The following PLA2G4C variants were observed in gnomAD, a reference collection of about 807,000 sequenced individuals.
The protein encoded by PLA2G4C is cytosolic phospholipase A2 gamma.
In PLA2G4C, 64 loss-of-function variants were observed where a neutral mutation model predicts 73.8. The ratio of observed to expected loss-of-function variants is 0.87; its 90% CI spans 0.71 to 1.07. The LOEUF is 1.07. Among genes scored for constraint, PLA2G4C ranks in the 50% least tolerant of loss-of-function variants. PLA2G4C has a pLI of 0.00. For synonymous variants in PLA2G4C, 254 were observed against 252.1 expected (o/e 1.01, Z -0.07); for missense variants, 622 against 665.4 (o/e 0.93, Z 0.72).
In PLA2G4C at chr19:48,080,616, C is replaced by G. The variant is rs142650667; in HGVS notation, c.845-2792G>C. Among the ~76,000 whole-genome samples the G allele has an allele frequency of 2.0e-3, 303 of 151,908 alleles. 1 individual carries two copies. The highest frequency in any genetic ancestry group is 7.0e-3 in the African/African-American group (289 of 41,426). On this transcript the variant is annotated intron_variant, in intron 10 of 16. Coordinates refer to ENST00000599921, the MANE Select transcript of PLA2G4C (RefSeq NM_003706.3). ...TCGAGGTCAGGCGTTCAAGACCAGC[C>G]TGGCCAACATGGTGAAACCCCATCT...
At chr19:48,090,725 C>T (rs1568444955) in intron 7 of PLA2G4C, 5 of 354,152 alleles carry the variant, frequency 1.4e-5, no homozygotes, top group Non-Finnish European at 2.6e-5. Context: ...CATGCCAACC[C>T]TTCTCAGCAC....
chr19:48,055,091 GAAGACCCCTCCA>G, intron 14 of PLA2G4C, 42 bp from the exon 15 acceptor site: 1 of 227,824 alleles, frequency 4.4e-6, no homozygotes, highest in South Asian at 9.3e-5. Flanking sequence ...GACCTCTCCA[GAAGACCCCTCCA>G]GAAGACCCCT....
At chr19:48,062,785 T>C (rs1188954050) in intron 13 of PLA2G4C, among the ~76,000 whole-genome samples, 1 of 152,160 alleles carries the variant, frequency 6.6e-6, no homozygotes, top group Non-Finnish European at 1.5e-5. Context: ...GAGAGTGTTG[T>C]TAACCCAATG....
At chr19:48,091,713 AC>A (rs2122634993) in intron 7 of PLA2G4C, among the ~76,000 whole-genome samples, 1 of 151,340 alleles carries the variant, frequency 6.6e-6, no homozygotes, top group African/African-American at 2.4e-5. Flanking sequence ...ACATGGTGAA[AC>A]CCTATCTCTA....
chr19:48,107,223 G>A (rs2032280584), intron 1 of PLA2G4C, among the ~76,000 whole-genome samples: 1 of 152,162 alleles, frequency 6.6e-6, no homozygotes, highest in South Asian at 2.1e-4. Flanking sequence ...TGAAATCACA[G>A]GTGTGTCCAA....
chr19:48,067,810 G>T lies in PLA2G4C; in HGVS notation c.1083C>A (p.His361Gln), dbSNP rs372576996. 1.9e-6 allele frequency: 3 copies of T among 1,610,138 alleles called. No individual in the cohort carries two copies. The highest frequency in any genetic ancestry group is 2.7e-5 in the African/African-American group (2 of 74,828). Reference protein sequence around the residue: ...CASKWEWGTTHNFLYKHGGIR... With the variant: ...CASKWEWGTTQNFLYKHGGIR... ...TCTCACCGTGTTTGTACAGGAAGTT[G>T]TGAGTGGTCCCCCATTCCCACTTTG... Residue 361 changes from histidine (H) to glutamine (Q), a missense_variant, in exon 13 of 17, where the codon CAC becomes CAA. Coordinates refer to ENST00000599921, the MANE Select transcript of PLA2G4C (RefSeq NM_003706.3).
Position 48,105,419 on chromosome 19 carries a change from G to C in PLA2G4C, c.34C>G (p.Leu12Val). ...ACGGCCGCCTTTTCTTCTTTCTGGAGCCCAGGAATTATGGAAACTTCAGAG... is the reference window on the plus strand; with the variant it reads ...ACGGCCGCCTTTTCTTCTTTCTGGACCCCAGGAATTATGGAAACTTCAGAG... ...GSSEVSIIPG[L>V]QKEEKAAVER... is the part of the protein sequence containing the mutation. Residue 12 changes from leucine to valine, a missense_variant, in exon 3 of 17, where the codon CTC becomes GTC. Coordinates refer to ENST00000599921, the MANE Select transcript of PLA2G4C (RefSeq NM_003706.3). 2 of 1,613,520 alleles carry C rather than the reference G, an allele frequency of 1.2e-6. No homozygotes were observed. Among genetic ancestry groups the C allele is most frequent in the Non-Finnish European group, 1.7e-6 (2 of 1,179,732 alleles).
intron 10 of PLA2G4C, among the ~76,000 whole-genome samples, chr19:48,081,555 C>T (rs185506098): frequency 5.5e-4 from 83 of 150,970 alleles, no homozygotes; most frequent in African/African-American, 1.9e-3. Context: ...GTCAGGAGTT[C>T]GAGACCAGTC....
intron 2 of PLA2G4C, among the ~76,000 whole-genome samples, chr19:48,105,900 TCC>T (rs1568457297): frequency 0.047 from 86 of 1,828 alleles, 19 homozygotes; most frequent in African/African-American, 0.28. Context: ...CCTCCCTCCC[TCC>T]CTCCCTCCCT....
At chr19:48,102,135 T>C (rs941824142) in intron 4 of PLA2G4C, among the ~76,000 whole-genome samples, 4 of 152,104 alleles carry the variant, frequency 2.6e-5, no homozygotes, top group Admixed American at 1.3e-4. Flanking sequence ...TTTGGATATA[T>C]TGGGTTAAAG....
intron 2 of PLA2G4C, among the ~76,000 whole-genome samples, chr19:48,105,941 C>T (rs1223939835): frequency 0.19 from 1,860 of 9,892 alleles, 484 homozygotes; most frequent in East Asian, 0.5. Context: ...CTCCCTCCCT[C>T]CCTCCCTTCT....
chr19:48,069,748 C>A (rs1202426230), intron 12 of PLA2G4C, among the ~76,000 whole-genome samples: 4 of 152,022 alleles, frequency 2.6e-5, no homozygotes, highest in Admixed American at 2.0e-4. Flanking sequence ...AGCTGTGTGA[C>A]CCTGAGCAAG....
At chr19:48,068,750 A>G (rs1249557837) in intron 12 of PLA2G4C, among the ~76,000 whole-genome samples, 3 of 151,394 alleles carry the variant, frequency 2.0e-5, no homozygotes, top group Non-Finnish European at 2.9e-5. Context: ...AAAAAAAAGA[A>G]AAAAAGGAAG....
rs759786912 is a variant in PLA2G4C at position 48,048,247 on chromosome 19, C to T, written c.*96G>A. 3.2e-5 allele frequency: 27 copies of T among 837,676 alleles called. No homozygotes were observed. Among genetic ancestry groups the T allele is most frequent in the Non-Finnish European group, 5.1e-5 (26 of 513,918 alleles). The allele number at this position is 837,676 out of a possible 1,614,324, so 51.9% of individuals were successfully genotyped here. A position where few individuals can be genotyped will look rare whatever the true frequency, so the allele number is the denominator to read the frequency against. ...CCAAGGTGAACTCAAGGCCATGAAG[C>T]GTGTGGCTGAAGGGAGTGAAGAACA... On this transcript the variant is annotated 3_prime_UTR_variant, in exon 17 of 17. Coordinates refer to ENST00000599921, the MANE Select transcript of PLA2G4C (RefSeq NM_003706.3).
At chr19:48,107,523 G>A (rs1381187278) in intron 1 of PLA2G4C, among the ~76,000 whole-genome samples, 6 of 152,170 alleles carry the variant, frequency 3.9e-5, no homozygotes, top group South Asian at 2.1e-4. Context: ...TTGGTCTTGG[G>A]GTAACGCCAG....
chr19:48,067,557 A>G (rs1463453012), intron 13 of PLA2G4C, among the ~76,000 whole-genome samples: 1 of 152,194 alleles, frequency 6.6e-6, no homozygotes, highest in African/African-American at 2.4e-5. Context: ...GAAAGCCATC[A>G]GTGAGGCTTT....
chr19:48,084,313 G>A (rs1007134819), intron 10 of PLA2G4C, among the ~76,000 whole-genome samples: 2 of 152,094 alleles, frequency 1.3e-5, no homozygotes, highest in African/African-American at 4.8e-5. Flanking sequence ...GTCCGCCTGG[G>A]CCTCCCAAAG....
chr19:48,069,174 G>T (rs1968565942), intron 12 of PLA2G4C, among the ~76,000 whole-genome samples: 1 of 152,110 alleles, frequency 6.6e-6, no homozygotes, highest in Admixed American at 6.6e-5. Flanking sequence ...GGGCCTGGGG[G>T]TCCTGGCCGT....
At chr19:48,063,880 C>A (rs574358939) in intron 13 of PLA2G4C, 1 of 151,970 alleles carries the variant, frequency 6.6e-6, no homozygotes, top group African/African-American at 2.4e-5. Flanking sequence ...CTGATCCAGA[C>A]CCCAAGAAAG....
Sources: gnomAD v4.1 joint callset for allele counts (sites outside exome capture counted in the v4.1 genomes callset) on GRCh38, gnomAD v4.1.1 for gene constraint, MANE v1.5 for transcripts, NCBI Gene and HGNC (gene_info 2026-07-23, HGNC 2026-07-21) for gene names.